Variants in AFF2 observed in about 807,000 individuals in gnomAD.
The protein encoded by AFF2 is AF4/FMR2 family member 2.
A neutral mutation model predicts 76.9 loss-of-function variants in AFF2; 14 were observed. The ratio of observed to expected loss-of-function variants is 0.18; its 90% CI spans 0.12 to 0.28. AFF2 has a LOEUF of 0.28. AFF2 is among the 10% of genes least tolerant of loss of function. AFF2 has a pLI of 1.00. For synonymous variants in AFF2, 398 were observed against 366.7 expected, an observed-to-expected ratio of 1.09 and a Z score of -0.98; for missense variants, 868 against 1,001.1, an observed-to-expected ratio of 0.87 and a Z score of 1.79.
At chrX:148,842,846 TAAC>T (rs1405002716) in intron 5 of AFF2, 117 bp from the exon 6 acceptor site, 6 of 532,256 alleles carry the variant, frequency 1.1e-5, no homozygotes, top group East Asian at 7.7e-5. Flanking sequence ...ATGGAATTGT[TAAC>T]AGCAGCTTCC....
intron 1 of AFF2, among the ~76,000 whole-genome samples, chrX:148,603,904 A>C (rs180861137): frequency 4.6e-5 from 5 of 109,662 alleles, no homozygotes; most frequent in Non-Finnish European, 5.7e-5. Flanking sequence ...ATTTCATTTG[A>C]ATCTATTCTC....
At chrX:148,602,757 TG>T (rs1476080820) in intron 1 of AFF2, among the ~76,000 whole-genome samples, 1 of 110,405 alleles carries the variant, frequency 9.1e-6, no homozygotes, top group African/African-American at 3.3e-5. Context: ...TTTTGATCCT[TG>T]GACATATTCT....
At chrX:148,948,552 T>G (rs2071928210) in intron 9 of AFF2, among the ~76,000 whole-genome samples, 1 of 111,544 alleles carries the variant, frequency 9.0e-6, no homozygotes, top group Non-Finnish European at 1.9e-5. Flanking sequence ...GAAAATATGT[T>G]GCAAGTTTGC....
chrX:148,590,463 C>G (rs1436281643), intron 1 of AFF2, among the ~76,000 whole-genome samples: 3 of 111,528 alleles, frequency 2.7e-5, no homozygotes, highest in South Asian at 3.8e-4. Context: ...AGGCCTCCCT[C>G]CCTTTCTTCC....
At chrX:148,686,337 GTTC>G (rs1204944180) in intron 3 of AFF2, among the ~76,000 whole-genome samples, 1 of 111,710 alleles carries the variant, frequency 9.0e-6, no homozygotes, top group Non-Finnish European at 1.9e-5. Context: ...ATTGACAACA[GTTC>G]TTCTGACTCT....
intron 4 of AFF2, among the ~76,000 whole-genome samples, chrX:148,833,593 C>T (rs781942241): frequency 3.0e-3 from 203 of 67,551 alleles, no homozygotes; most frequent in African/African-American, 0.011. Flanking sequence ...CAGAGTGAGA[C>T]GCTGTCTCAA....
At chrX:148,627,485 G>A (rs1482125308) in intron 1 of AFF2, among the ~76,000 whole-genome samples, 1 of 111,808 alleles carries the variant, frequency 8.9e-6, no homozygotes, top group East Asian at 2.8e-4. Context: ...AGATGGGCAT[G>A]GGCCATATTG....
chrX:148,888,449 G>A (rs1569556613), intron 8 of AFF2, among the ~76,000 whole-genome samples: 1 of 111,465 alleles, frequency 9.0e-6, no homozygotes, highest in African/African-American at 3.3e-5. Flanking sequence ...TCCAACTTTT[G>A]GCTACTGTGA....
In AFF2 at chrX:148,999,507, G is replaced by T. The variant is rs781923912; in HGVS notation, c.*8175G>T. The stretch of plus-strand genomic sequence containing the variant: ...AATTGTCATCATATGCTTTGTGTGT[G>T]GGGATGCTTACCAACACCATGTCGC... On this transcript the variant is annotated 3_prime_UTR_variant, in exon 21 of 21. Coordinates refer to ENST00000370460, the MANE Select transcript of AFF2 (RefSeq NM_002025.4). 8.9e-6 allele frequency: 1 copy of T among 112,064 alleles called. No individual in the cohort carries two copies. Among genetic ancestry groups the T allele is most frequent in the South Asian group, 3.7e-4 (1 of 2,707 alleles). 9.2% of individuals were successfully genotyped at this position (112,064 alleles called of 1,213,427 possible).
At chrX:148,808,277 G>T (rs1183849760) in intron 3 of AFF2, among the ~76,000 whole-genome samples, 2 of 112,078 alleles carry the variant, frequency 1.8e-5, no homozygotes, top group Non-Finnish European at 3.8e-5. Context: ...TAAACTCCAT[G>T]AGTGAGGAAA....
chrX:148,723,498 A>G (rs1412960068), intron 3 of AFF2, among the ~76,000 whole-genome samples: 1 of 110,611 alleles, frequency 9.0e-6, no homozygotes, highest in African/African-American at 3.3e-5. Context: ...GAAGATGAGG[A>G]GTGAGAATAA....
chrX:148,625,563 C>G (rs1373553801), intron 1 of AFF2, among the ~76,000 whole-genome samples: 1 of 110,661 alleles, frequency 9.0e-6, no homozygotes, highest in Non-Finnish European at 1.9e-5. Flanking sequence ...TCTAGTGCTG[C>G]CTGTCCCTTC....
chrX:148,548,397 G>T (rs2052951011), intron 1 of AFF2, among the ~76,000 whole-genome samples: 1 of 112,135 alleles, frequency 8.9e-6, no homozygotes, highest in Non-Finnish European at 1.9e-5. Context: ...GTCTAAGGAT[G>T]CAGCCAAATA....
chrX:148,734,947 C>T lies in AFF2; in HGVS notation c.1041+72179C>T, dbSNP rs142996495. ...ACTGTTATTCTCTCCAAAAATCACC[C>T]AGCAAGCAAGTGAAAACACTAGAAC... On this transcript the variant is annotated intron_variant, in intron 3 of 20. Transcript: ENST00000370460. Among the ~76,000 whole-genome samples, 936 of 111,815 alleles carry T rather than the reference C, an allele frequency of 8.4e-3. 18 individuals are homozygous for T. Among genetic ancestry groups the T allele is most frequent in the African/African-American group, 0.028 (868 of 30,781 alleles).
At chrX:148,903,126 C>A (rs2071371423) in intron 8 of AFF2, among the ~76,000 whole-genome samples, 1 of 111,167 alleles carries the variant, frequency 9.0e-6, no homozygotes, top group Admixed American at 9.6e-5. Context: ...ACAAAGATCC[C>A]CAAACAGATA....
At position 148,662,075 on chromosome X, in the gene AFF2, A is replaced by G; in HGVS notation, c.348A>G (p.Pro116=). 3 of 1,209,837 alleles carry G rather than the reference A, an allele frequency of 2.5e-6. No individual in the cohort carries two copies. Among genetic ancestry groups the G allele is most frequent in the Non-Finnish European group, 2.2e-6 (2 of 893,734 alleles). ...ACAAAAATGAACCAAGCTTTTTTCC[A>G]GAACAAAAGAACAGAATAATTCCAC... The part of the protein sequence containing the change: ...PNNKNEPSFF[P]EQKNRIIPPH... Residue 116 remains proline (P), a synonymous_variant, in exon 3 of 21, where the codon CCA becomes CCG. Transcript: ENST00000370460.
intron 2 of AFF2, among the ~76,000 whole-genome samples, chrX:148,654,836 G>A (rs1321941670): frequency 9.2e-6 from 1 of 108,932 alleles, no homozygotes; most frequent in African/African-American, 3.3e-5. Flanking sequence ...CCTTTCTCAA[G>A]CTGAAGAAGG....
At chrX:148,728,038 CAACTT>C (rs1459826930) in intron 3 of AFF2, among the ~76,000 whole-genome samples, 10 of 112,357 alleles carry the variant, frequency 8.9e-5, no homozygotes, top group African/African-American at 2.3e-4. Context: ...ACACAAATCT[CAACTT>C]AACACTATTC....
intron 1 of AFF2, among the ~76,000 whole-genome samples, chrX:148,567,861 A>T (rs782038094): frequency 8.9e-6 from 1 of 112,199 alleles, no homozygotes; most frequent in South Asian, 3.7e-4. Context: ...AAAAGAACAG[A>T]TTCTTTCTTG....
Sources: allele counts gnomAD v4.1 joint callset (sites outside exome capture counted in the v4.1 genomes callset), GRCh38; gene constraint gnomAD v4.1.1; transcripts MANE v1.5; gene names NCBI Gene and HGNC (gene_info 2026-07-23, HGNC 2026-07-21).